Variants in HERC1 observed in about 807,000 individuals in gnomAD.
HERC1 encodes the protein probable E3 ubiquitin-protein ligase HERC1.
A neutral mutation model predicts 554.3 loss-of-function variants in HERC1; 160 were observed. The ratio of observed to expected loss-of-function variants is 0.29; its 90% CI spans 0.25 to 0.33. The LOEUF is 0.33. Among genes scored for constraint, HERC1 ranks in the 10% least tolerant of loss-of-function variants. The pLI is 1.00. For missense variants in HERC1, 4,919 were observed against 5,918.5 expected, an observed-to-expected ratio of 0.83 and a Z score of 5.54; for synonymous variants, 2,175 against 2,131.7, an observed-to-expected ratio of 1.02 and a Z score of -0.56.
At position 63,645,095 on chromosome 15, in the gene HERC1, C is replaced by T. The variant is rs747355848; in HGVS notation, c.11081G>A (p.Gly3694Asp). ...GSKLQLLMAT[G>D]CQSGLVCVWR... ...AACACATACTAAGCCACTCTGACAG[C>T]CACTTAAAAAAATTGATCACATAAA... The change falls in exon 57 of 78, where the codon GGC becomes GAC. Residue 3694 changes from glycine to aspartate, a missense_variant and splice_region_variant. Gly to Asp is a moderately conservative substitution (Grantham distance 94). Around this residue, in one of 11 missense-constraint regions of HERC1, gnomAD observed 1,963 missense variants for 2,228.6 expected, o/e 0.88. Transcript: ENST00000443617. 1 of 1,612,776 alleles carries T rather than the reference C, an allele frequency of 6.2e-7. No individual in the cohort carries two copies. The highest frequency in any genetic ancestry group is 1.3e-5 in the African/African-American group (1 of 74,804).
At position 63,696,158 on chromosome 15, in the gene HERC1, C is replaced by A. The variant is rs2255243; in HGVS notation, c.5087G>T (p.Gly1696Val). 11 of 1,613,084 alleles carry A rather than the reference C, an allele frequency of 6.8e-6. No individual in the cohort carries two copies. The highest frequency in any genetic ancestry group is 9.3e-6 in the Non-Finnish European group (11 of 1,179,532). ...FGLGTVGHTG[G>V]KGESGRLHHY... ...ATGCAATCGGCCACTCTCTCCCTTG[C>A]CTCCTGTGTGTCCAACAGTGCCTAA... Residue 1696 changes from glycine to valine, a missense_variant, in exon 27 of 78, where the codon GGC (glycine) becomes GTC (valine). By Grantham distance (109) the Gly-to-Val change is moderately radical. Coordinates refer to ENST00000443617, the MANE Select transcript of HERC1 (RefSeq NM_003922.4).
intron 7 of HERC1, 73 bp from the exon 8 acceptor site, chr15:63,753,158 G>C: frequency 2.7e-6 from 3 of 1,120,776 alleles, no homozygotes; most frequent in Middle Eastern, 2.1e-4. Flanking sequence ...TACTAAAGTT[G>C]ATAAGGAGCT....
At chr15:63,751,631 C>A (rs1170373411) in intron 8 of HERC1, among the ~76,000 whole-genome samples, 1 of 152,054 alleles carries the variant, frequency 6.6e-6, no homozygotes, top group Non-Finnish European at 1.5e-5. Context: ...CTGAGACAGA[C>A]TGAGGGAAAA....
chr15:63,694,849 C>T lies in HERC1; in HGVS notation c.5167G>A (p.Val1723Ile), dbSNP rs752886124. 9 of 1,613,658 alleles carry T rather than the reference C, an allele frequency of 5.6e-6. No homozygotes were observed. In the South Asian group the frequency reaches 9.9e-5, roughly 18 times the overall value. Residue 1723 changes from valine (V) to isoleucine (I), a missense_variant, in exon 28 of 78, where the codon GTA becomes ATA. By Grantham distance (29) the Val-to-Ile change is conservative (BLOSUM62 3). This residue lies in a region of HERC1 where 1,121 missense variants were observed against 1,244.0 expected (regional missense o/e 0.90). Coordinates refer to ENST00000443617, the MANE Select transcript of HERC1 (RefSeq NM_003922.4). The surrounding 1 kb of genome is among the most constrained non-coding windows in gnomAD (Gnocchi z 4.3). ...TGTTGATAAATTTTATGCACAGCTA[C>T]CTGGATTTCAATCTGAATATTTCTC... ...AKRNIQIEIQ[V>I]AVHKIYQQLS... is the part of the protein sequence containing the mutation.
At chr15:63,634,005 C>T (rs1278601183) in intron 66 of HERC1, 35 bp from the exon 67 acceptor site, 2 of 1,612,706 alleles carry the variant, frequency 1.2e-6, no homozygotes, top group Non-Finnish European at 1.7e-6. Context: ...AGGCAAATCA[C>T]AAGACCTAAA....
At chr15:63,826,450 G>A (rs1292907599) in intron 1 of HERC1, among the ~76,000 whole-genome samples, 1 of 152,058 alleles carries the variant, frequency 6.6e-6, no homozygotes, top group Non-Finnish European at 1.5e-5. Flanking sequence ...TATGTACAAT[G>A]TGAACCAGTA....
chr15:63,664,637 A>G lies in HERC1; in HGVS notation c.8556-43T>C, dbSNP rs773934426. 2.5e-6 allele frequency: 4 copies of G among 1,583,776 alleles called. No individual in the cohort carries two copies. In the South Asian group the frequency reaches 3.4e-5, roughly 13 times the overall value. On this transcript the variant is annotated intron_variant, in intron 42 of 77. Transcript: ENST00000443617. ...AAAGCAACACAAAGTTTTTGAAACCATTATGGAAAGAAAGCATAGGTGTAA... is the reference window on the plus strand; with the variant it reads ...AAAGCAACACAAAGTTTTTGAAACCGTTATGGAAAGAAAGCATAGGTGTAA...
At chr15:63,780,783 T>C (rs1293367008) in intron 1 of HERC1, among the ~76,000 whole-genome samples, 2 of 151,654 alleles carry the variant, frequency 1.3e-5, no homozygotes, top group Admixed American at 6.6e-5. Flanking sequence ...AGCTACTACA[T>C]CAACATCTGT....
chr15:63,628,108 C>T (rs911004714), intron 70 of HERC1, among the ~76,000 whole-genome samples: 3 of 152,016 alleles, frequency 2.0e-5, no homozygotes, highest in South Asian at 2.1e-4. Context: ...TTAAAAATAC[C>T]GGCCAGGCGC....
chr15:63,627,094 G>A (rs1470779361), intron 70 of HERC1, among the ~76,000 whole-genome samples: 2 of 152,150 alleles, frequency 1.3e-5, no homozygotes, highest in African/African-American at 2.4e-5. Flanking sequence ...TCCCTCTGAA[G>A]CCACTGAGTA....
rs367611317 is a variant in HERC1 at position 63,645,597 on chromosome 15, G to C, written c.10964C>G (p.Ser3655Cys). 6.2e-7 allele frequency: 1 copy of C among 1,612,970 alleles called. No homozygotes were observed. Among genetic ancestry groups the C allele is most frequent in the East Asian group, 2.2e-5 (1 of 44,830 alleles). Residue 3655 changes from serine to cysteine, a missense_variant, in exon 56 of 78, where the codon TCT becomes TGT. This residue lies in a region of HERC1 where 1,963 missense variants were observed against 2,228.6 expected (regional missense o/e 0.88). Transcript: ENST00000443617. ...AKEDSVKLWG[S>C]ISGCWCCLHS... Reference sequence around the variant, plus strand: ...TAGACAGCACCAGCATCCCGAAATAGAGCCCCAGAGTTTCACACTGTCTTC... The same window carrying C: ...TAGACAGCACCAGCATCCCGAAATACAGCCCCAGAGTTTCACACTGTCTTC...
At chr15:63,789,155 A>G (rs1179377401) in intron 1 of HERC1, among the ~76,000 whole-genome samples, 1 of 124,604 alleles carries the variant, frequency 8.0e-6, no homozygotes, top group African/African-American at 3.2e-5. Flanking sequence ...CAGTGGTGCA[A>G]TCTCGGCTCA....
chr15:63,689,675 G>T lies in HERC1; in HGVS notation c.5962C>A (p.Leu1988Ile). The stretch of plus-strand genomic sequence containing the variant: ...GGTGTCTCCCACATACAATCAGAGA[G>T]AAGGGAAAATAAGCGCTCAACAATC... ...AQIVERLFSL[L>I]SDCMWETPIA... Residue 1988 changes from leucine to isoleucine, a missense_variant, in exon 33 of 78, where the codon CTC (leucine) becomes ATC (isoleucine). Physicochemically the swap from Leu to Ile is conservative, Grantham distance 5. Coordinates refer to ENST00000443617, the MANE Select transcript of HERC1 (RefSeq NM_003922.4). 1 of 1,583,500 alleles carries T rather than the reference G, an allele frequency of 6.3e-7. No homozygotes were observed. The highest frequency in any genetic ancestry group is 8.6e-7 in the Non-Finnish European group (1 of 1,163,128).
rs777762518 is a variant in HERC1, at chr15:63,628,758, C to T, written c.13024G>A (p.Gly4342Arg). 16 of 1,614,016 alleles carry T rather than the reference C, an allele frequency of 9.9e-6. No homozygotes were observed. The highest frequency in any genetic ancestry group is 1.4e-5 in the Non-Finnish European group (16 of 1,179,892). The change falls in exon 70 of 78, where the codon GGG (glycine) becomes AGG (arginine). Residue 4342 changes from glycine (G) to arginine (R), a missense_variant. By Grantham distance (125) the Gly-to-Arg change is moderately radical. Around this residue, in one of 11 missense-constraint regions of HERC1, gnomAD observed 410 missense variants for 467.0 expected, o/e 0.88. Coordinates refer to ENST00000443617, the MANE Select transcript of HERC1 (RefSeq NM_003922.4). ...REPTLVTGLQ[G>R]KNVRQISAGR... ...GCCGAGATCTGCCGAACATTTTTCCCTTGCAGACCTGTTACCAGGGTTGGT... is the reference window on the plus strand; with the variant it reads ...GCCGAGATCTGCCGAACATTTTTCCTTTGCAGACCTGTTACCAGGGTTGGT...
At chr15:63,622,007 G>A (rs1010439163) in intron 74 of HERC1, among the ~76,000 whole-genome samples, 17 of 152,102 alleles carry the variant, frequency 1.1e-4, no homozygotes, top group East Asian at 5.8e-4. Flanking sequence ...GTCATTCTCC[G>A]TCCAGCTTTG....
At chr15:63,735,966 G>A (rs1261904304) in intron 12 of HERC1, among the ~76,000 whole-genome samples, 1 of 151,978 alleles carries the variant, frequency 6.6e-6, no homozygotes, top group African/African-American at 2.4e-5. Context: ...AGGTGACTAA[G>A]GATTAAGAAC....
At chr15:63,636,967 T>C in intron 64 of HERC1, 2 of 348,018 alleles carry the variant, frequency 5.7e-6, no homozygotes, top group South Asian at 2.3e-5. Context: ...TTTGAACTCA[T>C]AGTTACTTGT....
chr15:63,625,124 GCA>G (rs368571299), intron 71 of HERC1, among the ~76,000 whole-genome samples: 214 of 151,534 alleles, frequency 1.4e-3, no homozygotes, highest in South Asian at 2.9e-3. Context: ...TCTCACGCAT[GCA>G]CACACACACA....
chr15:63,664,228 A>C (rs2070499541), intron 43 of HERC1, among the ~76,000 whole-genome samples: 1 of 152,190 alleles, frequency 6.6e-6, no homozygotes, highest in Non-Finnish European at 1.5e-5. Context: ...ATTTCTCAAA[A>C]TCTACAAGTG....
Sources: gnomAD v4.1 joint callset for allele counts (sites outside exome capture counted in the v4.1 genomes callset) on GRCh38, gnomAD v4.1.1 for gene constraint, gnomAD v4.1.1 regional missense constraint, Gnocchi (gnomAD v3.1) non-coding constraint, MANE v1.5 for transcripts, NCBI Gene and HGNC (gene_info 2026-07-23, HGNC 2026-07-21) for gene names.